The following FAM193A variants were observed in gnomAD, a reference collection of about 807,000 sequenced individuals.
FAM193A encodes protein FAM193A.
FAM193A carries 22 observed loss-of-function variants against 126.5 expected under a neutral mutation model. That is an observed-to-expected ratio of 0.17 (90% CI 0.12 to 0.25). The LOEUF is 0.25. Ranked by LOEUF, FAM193A falls within the 10% of genes least tolerant of loss-of-function variation. The pLI, the probability that FAM193A is intolerant of heterozygous loss-of-function variation, is 1.00. For synonymous variants in FAM193A, 761 were observed against 646.8 expected (o/e 1.18, Z -2.68); for missense variants, 1,675 against 1,672.8 (o/e 1.00, Z -0.02).
chr4:2,725,239 T>C (rs1458696259), intron 20 of FAM193A, among the ~76,000 whole-genome samples: 2 of 151,708 alleles, frequency 1.3e-5, no homozygotes, highest in East Asian at 1.9e-4. Flanking sequence ...TACACACACA[T>C]ATATATGGTG....
At chr4:2,556,119 C>T (rs1286085259) in intron 1 of FAM193A, among the ~76,000 whole-genome samples, 2 of 151,396 alleles carry the variant, frequency 1.3e-5, no homozygotes, top group Admixed American at 6.6e-5. Context: ...TGGTCTTGAA[C>T]GCCTGATCTC....
At chr4:2,667,379 T>G (rs1713241406) in intron 12 of FAM193A, among the ~76,000 whole-genome samples, 1 of 152,218 alleles carries the variant, frequency 6.6e-6, no homozygotes, top group African/African-American at 2.4e-5. Flanking sequence ...TCTTACTGAT[T>G]ATCTGTCTGG....
At chr4:2,708,011 A>T in intron 19 of FAM193A, 2 of 288,928 alleles carry the variant, frequency 6.9e-6, no homozygotes, top group South Asian at 5.1e-5. Context: ...TAGCCTCCCA[A>T]AGTGCTGGGA....
chr4:2,661,553 G>T (rs1712447104), intron 10 of FAM193A, among the ~76,000 whole-genome samples: 1 of 152,118 alleles, frequency 6.6e-6, no homozygotes, highest in Non-Finnish European at 1.5e-5. Flanking sequence ...CAGTGGGCCT[G>T]CAGGAAGCCC....
chr4:2,625,521 C>A (rs1259555123), intron 3 of FAM193A, 126 bp downstream of exon 3: 6 of 514,712 alleles, frequency 1.2e-5, no homozygotes, highest in Non-Finnish European at 2.1e-5. Flanking sequence ...AGTTGCTTCG[C>A]TATTGAGAGA....
At chr4:2,722,278 C>G (rs892622056) in intron 20 of FAM193A, among the ~76,000 whole-genome samples, 2 of 152,186 alleles carry the variant, frequency 1.3e-5, no homozygotes, top group Non-Finnish European at 2.9e-5. Context: ...GCAGAGGCCA[C>G]TGTGTCTCGG....
At chr4:2,703,009 C>A (rs779465945) in intron 19 of FAM193A, among the ~76,000 whole-genome samples, 13 of 151,978 alleles carry the variant, frequency 8.6e-5, no homozygotes, top group Admixed American at 2.6e-4. Flanking sequence ...CTGTAGGTAA[C>A]TAATCAGTTT....
chr4:2,690,999 G>A, intron 15 of FAM193A, 29 bp downstream of exon 15: 2 of 1,587,034 alleles, frequency 1.3e-6, no homozygotes, highest in Non-Finnish European at 1.7e-6. Flanking sequence ...CTGGCCCTCG[G>A]GGTCTGCAGG....
intron 7 of FAM193A, among the ~76,000 whole-genome samples, chr4:2,650,930 AG>A (rs1225421228): frequency 6.6e-6 from 1 of 152,170 alleles, no homozygotes; most frequent in Non-Finnish European, 1.5e-5. Context: ...TAGTGTTTGT[AG>A]CAGTAACAGA....
At chr4:2,570,621 T>A (rs1274212636) in intron 1 of FAM193A, among the ~76,000 whole-genome samples, 1 of 152,124 alleles carries the variant, frequency 6.6e-6, no homozygotes, top group Non-Finnish European at 1.5e-5. Flanking sequence ...AACTCATTTC[T>A]CCCCATCATA....
At chr4:2,544,099 G>C (rs1448987113) in intron 1 of FAM193A, among the ~76,000 whole-genome samples, 1 of 152,028 alleles carries the variant, frequency 6.6e-6, no homozygotes, top group African/African-American at 2.4e-5. Flanking sequence ...GAGGAAATAG[G>C]TTGAAGAAAA....
chr4:2,650,796 AGAG>A (rs1039274605), intron 7 of FAM193A, among the ~76,000 whole-genome samples: 4 of 152,332 alleles, frequency 2.6e-5, no homozygotes, highest in African/African-American at 9.6e-5. Context: ...GCATAAAAAA[AGAG>A]GAGCCCCAAG....
intron 7 of FAM193A, among the ~76,000 whole-genome samples, chr4:2,653,721 C>T (rs1021264599): frequency 2.6e-5 from 4 of 152,198 alleles, no homozygotes; most frequent in African/African-American, 9.7e-5. Context: ...GGATTACAGG[C>T]GTGAGCCACC....
At chr4:2,706,707 C>G (rs1439725339) in intron 19 of FAM193A, among the ~76,000 whole-genome samples, 2 of 151,340 alleles carry the variant, frequency 1.3e-5, no homozygotes, top group Non-Finnish European at 2.9e-5. Context: ...TTTAGAGGCT[C>G]TACATGTTGT....
intron 1 of FAM193A, among the ~76,000 whole-genome samples, chr4:2,576,520 G>A (rs1236417247): frequency 1.3e-5 from 2 of 152,170 alleles, no homozygotes; most frequent in African/African-American, 2.4e-5. Flanking sequence ...CAATGATTGT[G>A]CCTGTGAATA....
chr4:2,655,295 G>A (rs574485851), intron 7 of FAM193A, among the ~76,000 whole-genome samples: 26 of 152,310 alleles, frequency 1.7e-4, no homozygotes, highest in Non-Finnish European at 3.4e-4. Context: ...ATCAATTTCT[G>A]TATGAGTTAA....
At chr4:2,545,419 A>C (rs1289708943) in intron 1 of FAM193A, among the ~76,000 whole-genome samples, 1 of 151,232 alleles carries the variant, frequency 6.6e-6, no homozygotes, top group Non-Finnish European at 1.5e-5. Context: ...ATGTAAACTT[A>C]CTGTTGTGTT....
rs180967982 is a variant in FAM193A, at chr4:2,559,230, A to G, written c.255+22060A>G. ...AATCATAGATGCATAGAACTTCAGAACTGGAGGGGACAACGACAGAGCCCC... is the reference window on the plus strand; with the variant it reads ...AATCATAGATGCATAGAACTTCAGAGCTGGAGGGGACAACGACAGAGCCCC... On this transcript the variant is annotated intron_variant, in intron 1 of 20. Transcript: ENST00000637812. 8.9e-4 allele frequency among the ~76,000 whole-genome samples: 136 copies of G among 152,284 alleles called. 1 individual carries two copies. Among genetic ancestry groups the G allele is most frequent in the Non-Finnish European group, 1.8e-4 (12 of 68,028 alleles).
At chr4:2,541,138 C>T (rs984177215) in intron 1 of FAM193A, among the ~76,000 whole-genome samples, 3 of 151,084 alleles carry the variant, frequency 2.0e-5, no homozygotes, top group African/African-American at 2.4e-5. Context: ...GGTGTGGTGG[C>T]GCATGCCTGT....
Sources: gnomAD v4.1 joint callset for allele counts (sites outside exome capture counted in the v4.1 genomes callset) on GRCh38, gnomAD v4.1.1 for gene constraint, MANE v1.5 for transcripts, NCBI Gene and HGNC (gene_info 2026-07-23, HGNC 2026-07-21) for gene names.